Variants in ATP8B4 observed in about 807,000 individuals in gnomAD.
ATP8B4 encodes probable phospholipid-transporting ATPase IM.
ATP8B4 carries 133 observed loss-of-function variants against 145.6 expected under a neutral mutation model. That is an observed-to-expected ratio of 0.91 (90% confidence interval 0.79 to 1.05). ATP8B4 has a LOEUF of 1.05. Among genes scored for constraint, ATP8B4 ranks in the 50% least tolerant of loss-of-function variants. ATP8B4 has a pLI of 0.00. For missense variants in ATP8B4, 1,458 were observed against 1,425.2 expected (o/e 1.02, Z -0.37); for synonymous variants, 507 against 492.9 (o/e 1.03, Z -0.38).
intron 20 of ATP8B4, chr15:49,907,960 C>T: frequency 4.6e-6 from 2 of 438,424 alleles, no homozygotes; most frequent in Non-Finnish European, 4.5e-6. Context: ...TAGGGAAACA[C>T]ATGGCAAGTG....
intron 1 of ATP8B4, among the ~76,000 whole-genome samples, chr15:50,161,790 T>G (rs939352449): frequency 4.6e-5 from 7 of 152,058 alleles, no homozygotes; most frequent in African/African-American, 1.7e-4. Context: ...ATATGAGTTT[T>G]CACACCACAA....
chr15:49,862,087 G>A (rs964463437), intron 27 of ATP8B4, among the ~76,000 whole-genome samples, 158 bp downstream of exon 27: 6 of 152,172 alleles, frequency 3.9e-5, no homozygotes, highest in Non-Finnish European at 8.8e-5. Flanking sequence ...TTCAAGATGT[G>A]GGAAGTCCCA....
At chr15:49,966,342 A>G (rs2044537893) in intron 13 of ATP8B4, among the ~76,000 whole-genome samples, 2 of 152,138 alleles carry the variant, frequency 1.3e-5, no homozygotes, top group African/African-American at 4.8e-5. Context: ...TCCCACCCCC[A>G]TGGAGCCCAG....
chr15:50,175,774 A>T (rs949149197), intron 1 of ATP8B4, among the ~76,000 whole-genome samples: 2 of 152,222 alleles, frequency 1.3e-5, no homozygotes, highest in Admixed American at 6.5e-5. Context: ...TACAGCCACT[A>T]TGGAAAACAG....
intron 2 of ATP8B4, among the ~76,000 whole-genome samples, chr15:50,078,647 T>C (rs1453401913): frequency 6.6e-6 from 1 of 151,972 alleles, no homozygotes; most frequent in Non-Finnish European, 1.5e-5. Context: ...GATGTAACTC[T>C]TCAAAGTGAA....
chr15:50,129,116 C>A (rs865936303), intron 1 of ATP8B4, among the ~76,000 whole-genome samples: 1 of 152,106 alleles, frequency 6.6e-6, no homozygotes, highest in African/African-American at 2.4e-5. Context: ...TTTTTTAGGG[C>A]ATATAGGTAA....
intron 20 of ATP8B4, chr15:49,902,030 A>C (rs2038094665): frequency 5.1e-6 from 1 of 197,572 alleles, no homozygotes; most frequent in Non-Finnish European, 1.0e-5. Flanking sequence ...CACACTTAGA[A>C]GTGGCATTCT....
chr15:50,095,885 G>A (rs1440776391), intron 2 of ATP8B4, among the ~76,000 whole-genome samples: 2 of 152,142 alleles, frequency 1.3e-5, no homozygotes, highest in Admixed American at 1.3e-4. Flanking sequence ...AATAAAGCTG[G>A]AAAAACTGAC....
At chr15:49,930,586 C>A (rs1024450566) in intron 16 of ATP8B4, among the ~76,000 whole-genome samples, 1 of 152,032 alleles carries the variant, frequency 6.6e-6, no homozygotes, top group African/African-American at 2.4e-5. Flanking sequence ...ATGTTCACAA[C>A]AACTGTCATG....
chr15:49,985,287 G>A (rs2046501412), intron 10 of ATP8B4, among the ~76,000 whole-genome samples: 1 of 151,978 alleles, frequency 6.6e-6, no homozygotes, highest in African/African-American at 2.4e-5. Context: ...TAGTAGAGAT[G>A]GGGTTTCACC....
chr15:50,048,826 G>T (rs1334982726), intron 3 of ATP8B4, among the ~76,000 whole-genome samples: 1 of 152,136 alleles, frequency 6.6e-6, no homozygotes, highest in African/African-American at 2.4e-5. Flanking sequence ...AACAGGTATA[G>T]ATTTGACCAC....
chr15:50,049,813 A>G (rs1401722129), intron 3 of ATP8B4, among the ~76,000 whole-genome samples: 1 of 150,638 alleles, frequency 6.6e-6, no homozygotes, highest in Non-Finnish European at 1.5e-5. Context: ...AACATCTGTT[A>G]TTTTTTTTTC....
chr15:50,088,834 A>C (rs1037349159), intron 2 of ATP8B4, among the ~76,000 whole-genome samples: 1 of 152,194 alleles, frequency 6.6e-6, no homozygotes, highest in Non-Finnish European at 1.5e-5. Context: ...AGAATGATGG[A>C]TAGATGGATG....
chr15:49,992,289 T>C (rs1965948358), intron 9 of ATP8B4, among the ~76,000 whole-genome samples: 1 of 152,282 alleles, frequency 6.6e-6, no homozygotes, highest in Middle Eastern at 3.4e-3. Context: ...ATCAAAGGCT[T>C]CTTTAGGGAT....
chr15:49,916,906 ATCCTTTCCTCCTTCC>A lies in ATP8B4; in HGVS notation c.2141+13_2141+27del. ...TTCCCTCCCTCCCTCTCGTCCTTCC[ATCCTTTCCTCCTTCC>A]TTCAACACCTACCTGAGTTCTTCTC... On this transcript the variant is annotated intron_variant, in intron 20 of 27. Coordinates refer to ENST00000284509, the MANE Select transcript of ATP8B4 (RefSeq NM_024837.4). 1 of 1,595,168 alleles carries A rather than the reference ATCCTTTCCTCCTTCC, an allele frequency of 6.3e-7. No homozygotes were observed. Among genetic ancestry groups the A allele is most frequent in the Non-Finnish European group, 8.6e-7 (1 of 1,164,644 alleles).
intron 2 of ATP8B4, among the ~76,000 whole-genome samples, chr15:50,102,144 AAG>A (rs2056398539): frequency 6.6e-6 from 1 of 152,148 alleles, no homozygotes; most frequent in Admixed American, 6.5e-5. Flanking sequence ...AAAAGTCTGA[AAG>A]AGCACAAATA....
At chr15:50,112,273 C>G (rs557554322) in intron 1 of ATP8B4, among the ~76,000 whole-genome samples, 1 of 152,240 alleles carries the variant, frequency 6.6e-6, no homozygotes, top group African/African-American at 2.4e-5. Context: ...TTGGCAGCCC[C>G]CCTTGCTGGC....
chr15:49,947,174 T>G (rs1240494126), intron 14 of ATP8B4, among the ~76,000 whole-genome samples: 4 of 152,108 alleles, frequency 2.6e-5, no homozygotes, highest in Non-Finnish European at 1.5e-5. Context: ...GGCTCATGCT[T>G]GTAATCCCAG....
At chr15:50,103,292 G>A (rs925219656) in intron 2 of ATP8B4, among the ~76,000 whole-genome samples, 4 of 152,124 alleles carry the variant, frequency 2.6e-5, no homozygotes, top group Non-Finnish European at 4.4e-5. Flanking sequence ...TCAGTAAAGA[G>A]GAAGTCAAAC....
Sources: gnomAD v4.1 joint callset for allele counts (sites outside exome capture counted in the v4.1 genomes callset) on GRCh38, gnomAD v4.1.1 for gene constraint, MANE v1.5 for transcripts, NCBI Gene and HGNC (gene_info 2026-07-23, HGNC 2026-07-21) for gene names.